Variants in MBTD1 observed in about 807,000 individuals in gnomAD.
MBTD1 encodes the protein mbt domain containing 1.
MBTD1 carries 24 observed loss-of-function variants against 87.8 expected under a neutral mutation model. That is an observed-to-expected ratio of 0.27 (90% CI 0.20 to 0.38). The LOEUF is 0.38. MBTD1 is among the 10% of genes least tolerant of loss of function. MBTD1 has a pLI of 1.00. For missense variants in MBTD1, 436 were observed against 760.2 expected (o/e 0.57, Z 5.02); for synonymous variants, 237 against 248.6 (o/e 0.95, Z 0.44).
intron 2 of MBTD1, among the ~76,000 whole-genome samples, chr17:51,247,640 A>G (rs1443330188): frequency 1.3e-5 from 2 of 152,092 alleles, no homozygotes; most frequent in Non-Finnish European, 2.9e-5. Flanking sequence ...GTAGAGATCA[A>G]GTCTCACTAC....
At chr17:51,208,059 A>G (rs948581051) in intron 6 of MBTD1, among the ~76,000 whole-genome samples, 3 of 152,224 alleles carry the variant, frequency 2.0e-5, no homozygotes, top group Non-Finnish European at 4.4e-5. Flanking sequence ...TGAACTAGCC[A>G]ATTTGAACAT....
At position 51,195,183 on chromosome 17, in the gene MBTD1, A is replaced by G. The variant is rs112605223; in HGVS notation, c.1372+31T>C. The stretch of plus-strand genomic sequence containing the variant: ...ACCATGTAAGAAGAAAGCAACAATT[A>G]AAACCCAGTGTTTATATTAGGATGA... On this transcript the variant is annotated intron_variant, in intron 13 of 16. Coordinates refer to ENST00000586178, the MANE Select transcript of MBTD1 (RefSeq NM_017643.3). 4.3e-5 allele frequency: 69 copies of G among 1,587,350 alleles called. 4 individuals are homozygous for G. In the African/African-American group the frequency reaches 6.5e-4, roughly 15 times the overall value.
At chr17:51,239,782 C>G (rs2054059879) in intron 2 of MBTD1, among the ~76,000 whole-genome samples, 1 of 152,116 alleles carries the variant, frequency 6.6e-6, no homozygotes, top group Non-Finnish European at 1.5e-5. Context: ...AAAAAAAAAT[C>G]CCAGTTGAGA....
At chr17:51,240,408 T>C (rs1345645857) in intron 2 of MBTD1, among the ~76,000 whole-genome samples, 1 of 152,222 alleles carries the variant, frequency 6.6e-6, no homozygotes, top group Admixed American at 6.5e-5. Context: ...CAGCTTCTCT[T>C]GGTTGTGAGA....
In MBTD1 at chr17:51,177,847, G is replaced by T. The variant is rs1219991060; in HGVS notation, c.*2729C>A. On this transcript the variant is annotated 3_prime_UTR_variant, in exon 17 of 17. Transcript: ENST00000586178. The stretch of plus-strand genomic sequence containing the variant: ...AAGGAAGAAACCCAGTTTAATCACA[G>T]TATTTTTAAAATCCCTTCCCAATAT... The T allele has an allele frequency of 2.0e-5, 3 of 152,060 alleles. No homozygotes were observed. Among genetic ancestry groups the T allele is most frequent in the Non-Finnish European group, 4.4e-5 (3 of 68,004 alleles). The allele number at this position is 152,060 out of a possible 1,614,324, so 9.4% of individuals were successfully genotyped here.
chr17:51,259,794 C>G (rs1025882849), intron 1 of MBTD1, 41 bp downstream of exon 1: 14 of 1,232,628 alleles, frequency 1.1e-5, no homozygotes, highest in African/African-American at 1.6e-5. Context: ...AGGCGTCCCC[C>G]CCACCTGGCA....
intron 1 of MBTD1, among the ~76,000 whole-genome samples, chr17:51,259,523 C>T (rs543302617): frequency 3.3e-5 from 5 of 152,282 alleles, no homozygotes; most frequent in South Asian, 4.1e-4. Flanking sequence ...TCGGATCCAG[C>T]CTTTCCCCCC....
chr17:51,240,980 ATTT>A (rs916972325), intron 2 of MBTD1, among the ~76,000 whole-genome samples: 4 of 148,530 alleles, frequency 2.7e-5, no homozygotes, highest in African/African-American at 9.9e-5. Flanking sequence ...GGTGATGTTA[ATTT>A]TTTTTTTTCT....
intron 2 of MBTD1, among the ~76,000 whole-genome samples, chr17:51,234,105 C>T (rs2053688199): frequency 6.6e-6 from 1 of 151,664 alleles, no homozygotes; most frequent in African/African-American, 2.4e-5. Context: ...AAAGAAGTAA[C>T]AAGGCCAGGC....
chr17:51,258,155 C>G (rs1187625259), intron 2 of MBTD1, among the ~76,000 whole-genome samples: 1 of 152,146 alleles, frequency 6.6e-6, no homozygotes, highest in Non-Finnish European at 1.5e-5. Context: ...TTGAGTCTAA[C>G]CTTTTAAATA....
In MBTD1 at chr17:51,197,081, T is replaced by C. The variant is rs866313087; in HGVS notation, c.1225-1720A>G. 3.8e-3 allele frequency among the ~76,000 whole-genome samples: 76 copies of C among 20,090 alleles called. 4 individuals carry two copies. The highest frequency in any genetic ancestry group is 4.5e-3 in the Non-Finnish European group (52 of 11,640). The allele number at this position is 20,090 out of a possible 152,430, so 13.2% of individuals were successfully genotyped here. On this transcript the variant is annotated intron_variant, in intron 12 of 16. Coordinates refer to ENST00000586178, the MANE Select transcript of MBTD1 (RefSeq NM_017643.3). ...ATATATATATATATATATATATATA[T>C]ATATATATATATATATATATATATA...
At chr17:51,257,579 T>A (rs1488767964) in intron 2 of MBTD1, among the ~76,000 whole-genome samples, 1 of 152,208 alleles carries the variant, frequency 6.6e-6, no homozygotes, top group Non-Finnish European at 1.5e-5. Flanking sequence ...AAGGTCAACA[T>A]ATAACCAGCT....
At chr17:51,237,295 CAAA>C (rs368805446) in intron 2 of MBTD1, among the ~76,000 whole-genome samples, 1 of 60,482 alleles carries the variant, frequency 1.7e-5, no homozygotes, top group South Asian at 6.2e-4. Context: ...GACTCCATCT[CAAA>C]AAAAAAAAAA....
At chr17:51,240,095 CT>C (rs2054078703) in intron 2 of MBTD1, among the ~76,000 whole-genome samples, 1 of 152,026 alleles carries the variant, frequency 6.6e-6, no homozygotes, top group Admixed American at 6.5e-5. Context: ...ACTTTTTACC[CT>C]TTTTCTATAA....
intron 12 of MBTD1, among the ~76,000 whole-genome samples, chr17:51,199,779 C>T (rs139737712): frequency 6.6e-6 from 1 of 152,048 alleles, no homozygotes; most frequent in African/African-American, 2.4e-5. Flanking sequence ...GTCCAGCTGT[C>T]TGACCATGTG....
intron 12 of MBTD1, among the ~76,000 whole-genome samples, chr17:51,197,055 T>G (rs2051160529): frequency 9.2e-4 from 1 of 1,088 alleles, no homozygotes; most frequent in Non-Finnish European, 1.8e-3. Flanking sequence ...TATATATATA[T>G]ATATATATAT....
At chr17:51,215,471 C>CA (rs1169957886) in intron 6 of MBTD1, among the ~76,000 whole-genome samples, 18 of 151,932 alleles carry the variant, frequency 1.2e-4, no homozygotes, top group Middle Eastern at 3.4e-3. Context: ...AAAGGAGATA[C>CA]AAAGAGAGAG....
In MBTD1 at chr17:51,259,905, C is replaced by T; in HGVS notation, c.-183G>A. On this transcript the variant is annotated 5_prime_UTR_variant, in exon 1 of 17. Transcript: ENST00000586178. ...CCGTGCTCCCCGAGCCCGCGGCGCC[C>T]CCTCCCCGGGCTGGGGGCAGGTGCC... 4 of 1,231,572 alleles carry T rather than the reference C, an allele frequency of 3.2e-6. No individual in the cohort carries two copies. The highest frequency in any genetic ancestry group is 4.1e-6 in the Non-Finnish European group (4 of 987,526). The allele number at this position is 1,231,572 out of a possible 1,614,324, so 76.3% of individuals were successfully genotyped here. A position where few individuals can be genotyped will look rare whatever the true frequency, so the allele number is the denominator to read the frequency against.
At chr17:51,209,507 T>G in intron 6 of MBTD1, 1 of 470,806 alleles carries the variant, frequency 2.1e-6, no homozygotes, top group South Asian at 1.5e-5. Context: ...CACAAATGTA[T>G]GACAACCTCC....
Sources: gnomAD v4.1 joint callset for allele counts (sites outside exome capture counted in the v4.1 genomes callset) on GRCh38, gnomAD v4.1.1 for gene constraint, MANE v1.5 for transcripts, NCBI Gene and HGNC (gene_info 2026-07-23, HGNC 2026-07-21) for gene names.